The following ARHGAP42 variants were observed in gnomAD, a reference collection of about 807,000 sequenced individuals.
ARHGAP42 encodes Rho GTPase activating protein 42, also known as rho GTPase-activating protein 42.
A neutral mutation model predicts 125.0 loss-of-function variants in ARHGAP42; 63 were observed. The ratio of observed to expected loss-of-function variants is 0.50; its 90% CI spans 0.41 to 0.62. The LOEUF (loss-of-function observed/expected upper bound fraction) is 0.62. ARHGAP42 is among the 20% of genes least tolerant of loss of function. The pLI, the probability that ARHGAP42 is intolerant of heterozygous loss-of-function variation, is 0.00. For synonymous variants in ARHGAP42, 339 were observed against 351.0 expected, an observed-to-expected ratio of 0.97 and a Z score of 0.38; for missense variants, 766 against 1,024.2, an observed-to-expected ratio of 0.75 and a Z score of 3.44.
chr11:100,734,672 A>G (rs2120319413), intron 1 of ARHGAP42, among the ~76,000 whole-genome samples: 1 of 152,310 alleles, frequency 6.6e-6, no homozygotes, highest in East Asian at 1.9e-4. Context: ...CAATTTTTTA[A>G]TTGTGAAAAG....
intron 22 of ARHGAP42, among the ~76,000 whole-genome samples, chr11:100,980,410 T>G (rs1333583157): frequency 6.6e-6 from 1 of 152,036 alleles, no homozygotes; most frequent in Non-Finnish European, 1.5e-5. Flanking sequence ...GTCAGCCTGT[T>G]AAGTAAAAAC....
chr11:100,933,050 A>G lies in ARHGAP42; in HGVS notation c.598-106A>G, dbSNP rs181035022. 55 of 732,178 alleles carry G rather than the reference A, an allele frequency of 7.5e-5. No homozygotes were observed. The Middle Eastern group carries it at 1.2e-3, about 16-fold the overall frequency. The allele number at this position is 732,178 out of a possible 1,614,324, so 45.4% of individuals were successfully genotyped here. A position where few individuals can be genotyped will look rare whatever the true frequency, so the allele number is the denominator to read the frequency against. On this transcript the variant is annotated intron_variant, in intron 6 of 23. Transcript: ENST00000298815. ...GCCTTGCCAAAGCCATTGAAAATGTATTAGTTTGAGGAATTATAATGAAAT... is the reference window on the plus strand; with the variant it reads ...GCCTTGCCAAAGCCATTGAAAATGTGTTAGTTTGAGGAATTATAATGAAAT...
intron 3 of ARHGAP42, among the ~76,000 whole-genome samples, chr11:100,810,612 A>G (rs1864113250): frequency 6.6e-6 from 1 of 152,232 alleles, no homozygotes; most frequent in Non-Finnish European, 1.5e-5. Flanking sequence ...GCTACGTAGT[A>G]GTTGCTTTAT....
chr11:100,894,844 A>G (rs1591274675), intron 4 of ARHGAP42, among the ~76,000 whole-genome samples: 1 of 152,198 alleles, frequency 6.6e-6, no homozygotes, highest in South Asian at 2.1e-4. Flanking sequence ...GATATTTTCT[A>G]CAATTCCCAC....
intron 1 of ARHGAP42, among the ~76,000 whole-genome samples, chr11:100,723,303 A>T (rs118148722): frequency 0.013 from 1,966 of 152,276 alleles, 34 homozygotes; most frequent in Non-Finnish European, 0.022. Context: ...AGCTTTGTTG[A>T]TATTTATAAA....
intron 1 of ARHGAP42, among the ~76,000 whole-genome samples, chr11:100,695,799 G>T (rs1212199865): frequency 6.6e-6 from 1 of 152,210 alleles, no homozygotes; most frequent in Non-Finnish European, 1.5e-5. Flanking sequence ...TCTGTCAGTT[G>T]TCCCAACCTT....
intron 3 of ARHGAP42, among the ~76,000 whole-genome samples, chr11:100,815,799 C>T (rs1166347908): frequency 2.6e-5 from 4 of 152,096 alleles, no homozygotes; most frequent in South Asian, 2.1e-4. Flanking sequence ...CACAACAGTT[C>T]CCTATCTCCC....
chr11:100,857,821 C>T (rs1055778833), intron 3 of ARHGAP42, among the ~76,000 whole-genome samples: 3 of 152,086 alleles, frequency 2.0e-5, no homozygotes, highest in Admixed American at 6.6e-5. Context: ...TCTGTCAATA[C>T]TACAGAAACC....
In ARHGAP42 at chr11:100,687,613, C is replaced by T; in HGVS notation, c.-66C>T. ...GCGACCCCAGCGCCCGCCGCGGCCGCCGGCTGCCCCCGCCCTGACCTCCGG... is the reference window on the plus strand; with the variant it reads ...GCGACCCCAGCGCCCGCCGCGGCCGTCGGCTGCCCCCGCCCTGACCTCCGG... On this transcript the variant is annotated 5_prime_UTR_variant, in exon 1 of 24. Transcript: ENST00000298815. The T allele has an allele frequency of 8.4e-7, 1 of 1,193,356 alleles. No homozygotes were observed. The allele number at this position is 1,193,356 out of a possible 1,614,324, so 73.9% of individuals were successfully genotyped here.
At chr11:100,889,119 G>T (rs1352929754) in intron 4 of ARHGAP42, among the ~76,000 whole-genome samples, 2 of 152,194 alleles carry the variant, frequency 1.3e-5, no homozygotes, top group African/African-American at 4.8e-5. Context: ...CAAAATAAGT[G>T]TTCAGTAAAT....
At chr11:100,850,256 AAAT>A (rs1393755956) in intron 3 of ARHGAP42, among the ~76,000 whole-genome samples, 1 of 152,204 alleles carries the variant, frequency 6.6e-6, no homozygotes. Flanking sequence ...GAAAATATGA[AAAT>A]AATACGTAGG....
chr11:100,718,304 A>T (rs1239073234), intron 1 of ARHGAP42, among the ~76,000 whole-genome samples: 2 of 152,240 alleles, frequency 1.3e-5, no homozygotes, highest in African/African-American at 4.8e-5. Flanking sequence ...GAAGGTGGTC[A>T]TAGCCACTGG....
intron 20 of ARHGAP42, 54 bp downstream of exon 20, chr11:100,976,491 T>C (rs1427179447): frequency 6.8e-7 from 1 of 1,469,418 alleles, no homozygotes; most frequent in African/African-American, 1.4e-5. Context: ...TCACTTGTGC[T>C]GGATTATTCA....
chr11:100,752,399 C>T (rs959580122), intron 1 of ARHGAP42, among the ~76,000 whole-genome samples: 3 of 152,220 alleles, frequency 2.0e-5, no homozygotes, highest in Admixed American at 6.5e-5. Context: ...AACTGTGCCA[C>T]TGCTGAAACT....
At chr11:100,814,957 A>T (rs1027444280) in intron 3 of ARHGAP42, among the ~76,000 whole-genome samples, 1 of 152,192 alleles carries the variant, frequency 6.6e-6, no homozygotes, top group Admixed American at 6.5e-5. Context: ...AATCTTGTTC[A>T]TTCTTCAGGC....
intron 3 of ARHGAP42, among the ~76,000 whole-genome samples, chr11:100,854,015 A>G (rs1865267548): frequency 6.6e-6 from 1 of 152,154 alleles, no homozygotes; most frequent in Non-Finnish European, 1.5e-5. Flanking sequence ...ATTAGACATA[A>G]AGTAAAAAAT....
chr11:100,921,966 T>G, intron 6 of ARHGAP42, among the ~76,000 whole-genome samples: 1 of 143,174 alleles, frequency 7.0e-6, no homozygotes, highest in African/African-American at 2.7e-5. Flanking sequence ...GAGAGGAAGC[T>G]GTTGGCGGGA....
At chr11:100,719,095 T>C (rs900203267) in intron 1 of ARHGAP42, among the ~76,000 whole-genome samples, 1 of 152,188 alleles carries the variant, frequency 6.6e-6, no homozygotes, top group Non-Finnish European at 1.5e-5. Context: ...GGAAAGAACA[T>C]TGGACTAATT....
chr11:100,793,832 G>C (rs563761999), intron 2 of ARHGAP42, among the ~76,000 whole-genome samples: 11 of 152,222 alleles, frequency 7.2e-5, no homozygotes, highest in Admixed American at 5.9e-4. Flanking sequence ...AGCACTTTGG[G>C]AGGCTGAGGC....
Sources: allele counts gnomAD v4.1 joint callset (sites outside exome capture counted in the v4.1 genomes callset), GRCh38; gene constraint gnomAD v4.1.1; transcripts MANE v1.5; gene names NCBI Gene and HGNC (gene_info 2026-07-23, HGNC 2026-07-21).